The following HSD17B12 variants were observed in gnomAD, a reference collection of about 807,000 sequenced individuals.
HSD17B12 encodes the protein very-long-chain 3-oxoacyl-CoA reductase.
A neutral mutation model predicts 39.3 loss-of-function variants in HSD17B12; 32 were observed. The ratio of observed to expected loss-of-function variants is 0.81; its 90% CI spans 0.61 to 1.09. The LOEUF is 1.09. Ranked by LOEUF, HSD17B12 falls within the 50% of genes least tolerant of loss-of-function variation. The pLI is 0.00. For missense variants in HSD17B12, 342 were observed against 382.9 expected (o/e 0.89, Z 0.89); for synonymous variants, 150 against 146.7 (o/e 1.02, Z -0.16).
chr11:43,584,440 CT>C, the HSD17B12 span: 1 of 152,484 alleles, frequency 6.6e-6, no homozygotes, highest in Non-Finnish European at 1.5e-5. Flanking sequence ...GCCCCCTACC[CT>C]TTTCCTTTCC....
intron 1 of HSD17B12, among the ~76,000 whole-genome samples, chr11:43,695,337 C>T (rs894710118): frequency 1.3e-5 from 2 of 151,290 alleles, no homozygotes; most frequent in Admixed American, 6.6e-5. Context: ...CCAGCATTTT[C>T]GGAGGCCGAG....
chr11:43,704,919 C>T (rs1949999842), intron 1 of HSD17B12, among the ~76,000 whole-genome samples: 1 of 152,136 alleles, frequency 6.6e-6, no homozygotes, highest in Non-Finnish European at 1.5e-5. Context: ...TCAGTTTGCC[C>T]ACTCTGGAAG....
the HSD17B12 span, among the ~76,000 whole-genome samples, chr11:43,628,967 CCAT>C: frequency 6.6e-6 from 1 of 151,970 alleles, no homozygotes; most frequent in African/African-American, 2.4e-5. Context: ...AACTGATAAT[CCAT>C]ACCATTCATC....
chr11:43,584,384 G>A, the HSD17B12 span, among the ~76,000 whole-genome samples: 8 of 152,220 alleles, frequency 5.3e-5, no homozygotes, highest in African/African-American at 1.9e-4. Flanking sequence ...GGAAAGCTCT[G>A]CTCTTGAATC....
rs1951565074 is a variant in HSD17B12, at chr11:43,854,720, C to T, written c.690C>T (p.Val230=). 2 of 1,613,564 alleles carry T rather than the reference C, an allele frequency of 1.2e-6. No homozygotes were observed. The highest frequency in any genetic ancestry group is 1.1e-5 in the South Asian group (1 of 91,040). ...YRSKGVFVQS[V]LPYFVATKLA... ...GGTGGGTGTTCCCTTTCTAGAGTGT[C>T]CTGCCATACTTCGTAGCTACAAAAC... The change falls in exon 10 of 11, where the codon GTC becomes GTT. Residue 230 remains valine (V), a synonymous_variant. Coordinates refer to ENST00000278353, the MANE Select transcript of HSD17B12 (RefSeq NM_016142.3).
the HSD17B12 span, among the ~76,000 whole-genome samples, chr11:43,635,613 G>C: frequency 3.3e-5 from 5 of 152,164 alleles, no homozygotes; most frequent in African/African-American, 1.2e-4. Flanking sequence ...AACACAAAAG[G>C]GTTTGAGGAC....
In HSD17B12 at chr11:43,816,657, G is replaced by A. The variant is rs1951126073; in HGVS notation, c.501+266G>A. Among the ~76,000 whole-genome samples, 3 of 151,926 alleles carry A rather than the reference G, an allele frequency of 2.0e-5. 1 individual carries two copies. The highest frequency in any genetic ancestry group is 4.2e-4 in the South Asian group (2 of 4,802). Reference sequence around the variant, plus strand: ...TCCATAGGTTATTGGGGAACAGGTGGTGTTTGGTTACATGAGTAAGTTCTT... The same window carrying A: ...TCCATAGGTTATTGGGGAACAGGTGATGTTTGGTTACATGAGTAAGTTCTT... On this transcript the variant is annotated intron_variant, in intron 6 of 10. Transcript: ENST00000278353.
the HSD17B12 span, among the ~76,000 whole-genome samples, chr11:43,611,381 C>A: frequency 6.6e-6 from 1 of 152,180 alleles, no homozygotes; most frequent in East Asian, 1.9e-4. Context: ...AGGTCCGGTG[C>A]AAATGACATT....
intron 3 of HSD17B12, among the ~76,000 whole-genome samples, chr11:43,796,567 G>A (rs1350791990): frequency 1.3e-5 from 2 of 152,076 alleles, no homozygotes; most frequent in Non-Finnish European, 2.9e-5. Flanking sequence ...AACATTCTTC[G>A]TGAAAGTGTC....
At chr11:43,812,241 T>G (rs1407528432) in intron 4 of HSD17B12, among the ~76,000 whole-genome samples, 1 of 152,202 alleles carries the variant, frequency 6.6e-6, no homozygotes, top group Non-Finnish European at 1.5e-5. Context: ...ATACTAGTAG[T>G]GGGATTGTTG....
At chr11:43,804,722 G>A (rs1354196205) in intron 4 of HSD17B12, among the ~76,000 whole-genome samples, 2 of 152,110 alleles carry the variant, frequency 1.3e-5, no homozygotes, top group Non-Finnish European at 2.9e-5. Context: ...TTCCCAGAAG[G>A]TTCTAGGATA....
At chr11:43,842,734 A>G (rs1419024080) in intron 9 of HSD17B12, among the ~76,000 whole-genome samples, 1 of 152,228 alleles carries the variant, frequency 6.6e-6, no homozygotes, top group Non-Finnish European at 1.5e-5. Flanking sequence ...TAATTACACT[A>G]TTAACTGAAT....
At chr11:43,853,765 AG>A (rs1187672185) in intron 9 of HSD17B12, 2 of 152,060 alleles carry the variant, frequency 1.3e-5, no homozygotes, top group Non-Finnish European at 2.9e-5. Context: ...CTCCAGCCTA[AG>A]CAACAAGCAA....
the HSD17B12 span, among the ~76,000 whole-genome samples, chr11:43,659,821 G>T: frequency 6.6e-6 from 1 of 152,148 alleles, no homozygotes. Context: ...AGCCAAAGAT[G>T]GCCTGGATGT....
At chr11:43,679,917 A>G (rs1949724846), upstream of HSD17B12, among the ~76,000 whole-genome samples, 7 of 152,240 alleles carry the variant, frequency 4.6e-5, no homozygotes, top group South Asian at 1.4e-3. Flanking sequence ...CAGACACAGA[A>G]GACTGCAAGC....
the HSD17B12 span, among the ~76,000 whole-genome samples, chr11:43,651,243 T>C: frequency 6.6e-6 from 1 of 152,128 alleles, no homozygotes; most frequent in African/African-American, 2.4e-5. Flanking sequence ...TAAAATAAAC[T>C]GAATAAAATG....
At chr11:43,700,431 T>A (rs996199506) in intron 1 of HSD17B12, among the ~76,000 whole-genome samples, 15 of 152,150 alleles carry the variant, frequency 9.9e-5, no homozygotes, top group Non-Finnish European at 2.2e-4. Context: ...ATGGTAGGTC[T>A]TAATCATTCT....
chr11:43,693,976 T>C (rs1373765314), intron 1 of HSD17B12, among the ~76,000 whole-genome samples: 1 of 152,222 alleles, frequency 6.6e-6, no homozygotes, highest in African/African-American at 2.4e-5. Flanking sequence ...CTGTCTGTCA[T>C]GTGTAAGGAG....
chr11:43,626,531 C>T, the HSD17B12 span, among the ~76,000 whole-genome samples: 1 of 151,780 alleles, frequency 6.6e-6, no homozygotes, highest in East Asian at 1.9e-4. Context: ...GAAACAGAAA[C>T]TATATGGCAC....
Sources: allele counts gnomAD v4.1 joint callset (sites outside exome capture counted in the v4.1 genomes callset), GRCh38; gene constraint gnomAD v4.1.1; transcripts MANE v1.5; gene names NCBI Gene and HGNC (gene_info 2026-07-23, HGNC 2026-07-21).